Variants in RAD51B observed in about 807,000 individuals in gnomAD.
RAD51B encodes RAD51 paralog B.
In RAD51B, 38 loss-of-function variants were observed where a neutral mutation model predicts 42.2. The ratio of observed to expected loss-of-function variants is 0.90; its 90% confidence interval spans 0.70 to 1.18. RAD51B has a LOEUF of 1.18. RAD51B is among the 50% of genes most tolerant of loss of function. The probability of loss-of-function intolerance (pLI) is 0.00; values close to 1 mark genes in which losing one functional copy is unlikely to be tolerated. For missense variants in RAD51B, 373 were observed against 400.7 expected (o/e 0.93, Z 0.59); for synonymous variants, 154 against 145.2 (o/e 1.06, Z -0.43).
intron 8 of RAD51B, among the ~76,000 whole-genome samples, chr14:68,293,131 A>G (rs1795933453): frequency 6.6e-6 from 1 of 152,124 alleles, no homozygotes; most frequent in South Asian, 2.1e-4. Flanking sequence ...TAGCCTCTAC[A>G]GTTTCCATTC....
chr14:68,455,626 AG>A (rs1366118164), intron 9 of RAD51B, among the ~76,000 whole-genome samples: 1 of 152,168 alleles, frequency 6.6e-6, no homozygotes, highest in Non-Finnish European at 1.5e-5. Flanking sequence ...AGGCTGAGGC[AG>A]GAGAATGGCA....
chr14:68,633,880 T>C lies in RAD51B; in HGVS notation c.1037-16901T>C, dbSNP rs890821008. 2.6e-5 allele frequency among the ~76,000 whole-genome samples: 4 copies of C among 152,264 alleles called. No homozygotes were observed. In the East Asian group the frequency reaches 7.7e-4, roughly 29 times the overall value. On this transcript the variant is annotated intron_variant, in intron 10 of 11. Transcript: ENST00000488612. ...GCTTGGATTGTTCCAGCAAGTGAGGTATGAGACCACAGCTCAGGCTCACTT... is the reference window on the plus strand; with the variant it reads ...GCTTGGATTGTTCCAGCAAGTGAGGCATGAGACCACAGCTCAGGCTCACTT...
intron 4 of RAD51B, among the ~76,000 whole-genome samples, chr14:67,842,041 T>A (rs1348305540): frequency 6.6e-6 from 1 of 152,234 alleles, no homozygotes; most frequent in Non-Finnish European, 1.5e-5. Context: ...TTTTCATTTG[T>A]TTGTATCATC....
At chr14:68,352,679 C>T (rs564061405) in intron 8 of RAD51B, among the ~76,000 whole-genome samples, 4 of 152,364 alleles carry the variant, frequency 2.6e-5, no homozygotes, top group African/African-American at 9.6e-5. Context: ...TTGCCAGGCA[C>T]TGAGAAACAG....
chr14:68,322,215 G>C (rs1442933975), intron 8 of RAD51B, among the ~76,000 whole-genome samples: 2 of 152,200 alleles, frequency 1.3e-5, no homozygotes, highest in African/African-American at 4.8e-5. Flanking sequence ...TTCGACTTCT[G>C]TATGGTATCT....
intron 7 of RAD51B, among the ~76,000 whole-genome samples, chr14:68,129,586 A>G (rs948812187): frequency 6.6e-6 from 1 of 152,192 alleles, no homozygotes; most frequent in Non-Finnish European, 1.5e-5. Flanking sequence ...TTTCTTAAAT[A>G]CTATGATCTT....
chr14:68,494,032 A>T (rs988822898), intron 10 of RAD51B, among the ~76,000 whole-genome samples: 2 of 151,946 alleles, frequency 1.3e-5, no homozygotes, highest in Non-Finnish European at 2.9e-5. Flanking sequence ...TCCCAGCACT[A>T]TGGGAGGCCG....
chr14:68,119,404 G>T lies in RAD51B; in HGVS notation c.757-172480G>T, dbSNP rs546404046. 4.7e-5 allele frequency among the ~76,000 whole-genome samples: 7 copies of T among 148,754 alleles called. No homozygotes were observed. In the East Asian group the frequency reaches 1.4e-3, roughly 29 times the overall value. On this transcript the variant is annotated intron_variant, in intron 7 of 10. Coordinates refer to ENST00000471583, the MANE Select transcript of RAD51B (RefSeq NM_133510.4). The stretch of plus-strand genomic sequence containing the variant: ...ACATATGTATACATGTGCCATGCTG[G>T]TGTGCTGCACCCATTAACTCGTCAT...
chr14:67,965,279 C>G (rs1294805990), intron 7 of RAD51B, among the ~76,000 whole-genome samples: 1 of 152,214 alleles, frequency 6.6e-6, no homozygotes, highest in Non-Finnish European at 1.5e-5. Flanking sequence ...CACAACCAAT[C>G]TGTCAACAAG....
intron 11 of RAD51B, among the ~76,000 whole-genome samples, chr14:68,679,494 C>A (rs1395843281): frequency 6.6e-6 from 1 of 152,208 alleles, no homozygotes; most frequent in African/African-American, 2.4e-5. Context: ...GTAAAATGGG[C>A]CCAATGCTGA....
chr14:68,280,619 C>G (rs577980937), intron 7 of RAD51B, among the ~76,000 whole-genome samples: 1 of 152,350 alleles, frequency 6.6e-6, no homozygotes, highest in Admixed American at 6.5e-5. Context: ...TGAGTTTCCT[C>G]TCTTCCTCCT....
intron 8 of RAD51B, among the ~76,000 whole-genome samples, chr14:68,344,309 G>C (rs149272638): frequency 9.9e-4 from 151 of 152,388 alleles, no homozygotes; most frequent in African/African-American, 3.5e-3. Flanking sequence ...GTGTGCCCTG[G>C]ATGTGGGACA....
intron 7 of RAD51B, among the ~76,000 whole-genome samples, chr14:68,066,746 A>T (rs2076656475): frequency 6.6e-6 from 1 of 152,132 alleles, no homozygotes; most frequent in Non-Finnish European, 1.5e-5. Context: ...ATGCAATGAG[A>T]CCTTATCTCT....
At chr14:68,027,401 T>C (rs943965365) in intron 7 of RAD51B, among the ~76,000 whole-genome samples, 5 of 152,194 alleles carry the variant, frequency 3.3e-5, no homozygotes, top group East Asian at 1.9e-4. Flanking sequence ...ATTAGGGAAA[T>C]TTTCGTGGAC....
intron 8 of RAD51B, among the ~76,000 whole-genome samples, chr14:68,364,137 T>A (rs907564438): frequency 2.1e-4 from 32 of 152,248 alleles, no homozygotes; most frequent in African/African-American, 7.2e-4. Flanking sequence ...GCCTCCATCC[T>A]CCCTGCTCTC....
At chr14:68,659,711 C>A in intron 11 of RAD51B, among the ~76,000 whole-genome samples, 1 of 152,226 alleles carries the variant, frequency 6.6e-6, no homozygotes, top group East Asian at 1.9e-4. Flanking sequence ...CCTCCCTCTG[C>A]CTGGGAAGCG....
At chr14:68,497,070 C>T in intron 10 of RAD51B, 1 of 1,332,010 alleles carries the variant, frequency 7.5e-7, no homozygotes, top group Non-Finnish European at 1.0e-6. Flanking sequence ...TTATGCAAGC[C>T]TTCAACATCT....
At chr14:68,603,529 G>A (rs1289964069) in intron 10 of RAD51B, among the ~76,000 whole-genome samples, 1 of 152,020 alleles carries the variant, frequency 6.6e-6, no homozygotes, top group Admixed American at 6.5e-5. Context: ...TCGATTTGGG[G>A]GTCTGTTCTC....
chr14:68,421,182 T>G (rs1445661570), intron 9 of RAD51B, among the ~76,000 whole-genome samples: 1 of 152,172 alleles, frequency 6.6e-6, no homozygotes, highest in Non-Finnish European at 1.5e-5. Context: ...CATTTTCCTG[T>G]GATTCTGAAG....
Sources: allele counts gnomAD v4.1 joint callset (sites outside exome capture counted in the v4.1 genomes callset), GRCh38; gene constraint gnomAD v4.1.1; transcripts MANE v1.5; gene names NCBI Gene and HGNC (gene_info 2026-07-23, HGNC 2026-07-21).